Variants in LIPA observed in about 807,000 individuals in gnomAD.
LIPA encodes the protein lysosomal acid lipase/cholesteryl ester hydrolase.
A neutral mutation model predicts 40.6 loss-of-function variants in LIPA; 26 were observed. The observed-to-expected ratio is 0.64, with a 90% CI of 0.47 to 0.89. The LOEUF (loss-of-function observed/expected upper bound fraction) is 0.89. Among genes scored for constraint, LIPA ranks in the 40% least tolerant of loss-of-function variants. The pLI is 0.00. For synonymous variants in LIPA, 188 were observed against 168.4 expected (o/e 1.12, Z -0.90); for missense variants, 455 against 479.6 (o/e 0.95, Z 0.48).
chr10:89,407,677 A>G (rs1303580901), intron 2 of LIPA, among the ~76,000 whole-genome samples: 1 of 152,160 alleles, frequency 6.6e-6, no homozygotes, highest in Non-Finnish European at 1.5e-5. Context: ...TTGGGGCATA[A>G]CATCTTTATA....
At chr10:89,327,920 A>G in intron 1 of LIPA, 1 of 650,072 alleles carries the variant, frequency 1.5e-6, no homozygotes, top group South Asian at 2.0e-5. Flanking sequence ...GCAATTACTC[A>G]AAAACGGAGA....
intron 2 of LIPA, among the ~76,000 whole-genome samples, chr10:89,394,418 T>C (rs1038330227): frequency 6.6e-6 from 1 of 152,062 alleles, no homozygotes; most frequent in Non-Finnish European, 1.5e-5. Context: ...CTTTGAGATA[T>C]GGATCAGGAT....
intron 3 of LIPA, among the ~76,000 whole-genome samples, chr10:89,240,053 C>G (rs1226426104): frequency 6.6e-6 from 1 of 152,192 alleles, no homozygotes; most frequent in Non-Finnish European, 1.5e-5. Flanking sequence ...TCTCCCTCAA[C>G]AGAAGGAGCA....
At chr10:89,256,813 G>A (rs770106858) in intron 1 of LIPA, among the ~76,000 whole-genome samples, 4 of 152,160 alleles carry the variant, frequency 2.6e-5, no homozygotes, top group Admixed American at 6.5e-5. Flanking sequence ...ATATAACCAC[G>A]AGGTTCCTTC....
chr10:89,295,495 T>G (rs928416203), intron 1 of LIPA, among the ~76,000 whole-genome samples: 11 of 152,240 alleles, frequency 7.2e-5, no homozygotes, highest in African/African-American at 2.7e-4. Context: ...GGAAGGCTTA[T>G]CAACACCTAG....
chr10:89,312,523 C>A (rs538466366), intron 1 of LIPA, among the ~76,000 whole-genome samples: 2 of 152,202 alleles, frequency 1.3e-5, no homozygotes, highest in African/African-American at 4.8e-5. Flanking sequence ...AAAGAAATAT[C>A]TGTTTGTCTC....
At chr10:89,383,269 T>G (rs761019769) in intron 2 of LIPA, 3 of 1,492,560 alleles carry the variant, frequency 2.0e-6, no homozygotes, top group Middle Eastern at 1.8e-4. Context: ...TCATTTTCAG[T>G]GGACTGAATA....
chr10:89,322,653 T>C, intron 1 of LIPA, among the ~76,000 whole-genome samples: 1 of 149,466 alleles, frequency 6.7e-6, no homozygotes, highest in East Asian at 2.0e-4. Flanking sequence ...AGGAGACTTC[T>C]GCAAGCCTTG....
At chr10:89,237,550 T>C (rs896690652) in intron 3 of LIPA, among the ~76,000 whole-genome samples, 4 of 152,194 alleles carry the variant, frequency 2.6e-5, no homozygotes, top group Admixed American at 2.0e-4. Context: ...AGGCTAACTC[T>C]ACTGTTCTGT....
chr10:89,389,759 A>C (rs1303318789), intron 2 of LIPA, among the ~76,000 whole-genome samples: 1 of 152,152 alleles, frequency 6.6e-6, no homozygotes, highest in Admixed American at 6.5e-5. Flanking sequence ...AGAAGAGACT[A>C]AGGAATTCAT....
intron 3 of LIPA, among the ~76,000 whole-genome samples, chr10:89,232,651 A>G (rs1842856617): frequency 6.6e-6 from 1 of 152,212 alleles, no homozygotes. Flanking sequence ...GATATGTGGC[A>G]GCCAGGCCAG....
upstream of LIPA, among the ~76,000 whole-genome samples, chr10:89,346,854 A>C (rs1257860053): frequency 6.6e-6 from 1 of 152,250 alleles, no homozygotes; most frequent in East Asian, 1.9e-4. Context: ...TTGTGTGGAA[A>C]GAAAATCTTA....
At chr10:89,362,739 G>A in intron 2 of LIPA, 1 of 747,412 alleles carries the variant, frequency 1.3e-6, no homozygotes, top group Non-Finnish European at 2.1e-6. Context: ...GAACTGTGAG[G>A]AAGGATGGGC....
At position 89,293,678 on chromosome 10, in the gene LIPA, A is replaced by ACGAGAGAGAGAGAGAGAGAGAG. The variant is rs563646884; in HGVS notation, c.-1-46030_-1-46029insCTCTCTCTCTCTCTCTCTCTCG. 59 of 126,364 alleles carry ACGAGAGAGAGAGAGAGAGAGAG rather than the reference A, an allele frequency of 4.7e-4. 1 individual carries two copies. Among genetic ancestry groups the ACGAGAGAGAGAGAGAGAGAGAG allele is most frequent in the Non-Finnish European group, 7.7e-4 (48 of 62,504 alleles). 7.8% of individuals were successfully genotyped at this position (126,364 alleles called of 1,614,324 possible). ...TCACATGGCCTTTCCTCTGTGTGAG[A>ACGAGAGAGAGAGAGAGAGAGAG]TGAGAGAGAGAGAGAGAGAGAGAGA... On this transcript the variant is annotated intron_variant, in intron 1 of 5. Coordinates refer to the LIPA transcript ENST00000282673.
At chr10:89,347,355 C>T (rs547017661), upstream of LIPA, among the ~76,000 whole-genome samples, 3 of 152,230 alleles carry the variant, frequency 2.0e-5, no homozygotes, top group South Asian at 4.2e-4. Context: ...TTCCAGACTT[C>T]GAGAAGGAAA....
At chr10:89,385,822 T>C (rs1292925978) in intron 2 of LIPA, among the ~76,000 whole-genome samples, 1 of 152,158 alleles carries the variant, frequency 6.6e-6, no homozygotes, top group Non-Finnish European at 1.5e-5. Context: ...ACACCTGAGA[T>C]CACACCTAAA....
At chr10:89,370,458 C>T (rs1479234517) in intron 2 of LIPA, among the ~76,000 whole-genome samples, 2 of 151,984 alleles carry the variant, frequency 1.3e-5, no homozygotes, top group Non-Finnish European at 2.9e-5. Context: ...TGGTCTCAAA[C>T]TCCCAGACTC....
rs974656990 is a variant in LIPA, at chr10:89,377,409, A to G, written c.61+35382T>C. 1.3e-4 allele frequency among the ~76,000 whole-genome samples: 19 copies of G among 149,674 alleles called. 1 individual carries two copies. The East Asian group carries it at 3.5e-3, about 28-fold the overall frequency. ...TTGTTGTTTGAACCACTAATGGTGA[A>G]CAGTAAAGATCATCAAAACAGTCAA... is the stretch of plus-strand genomic sequence containing the variant. On this transcript the variant is annotated intron_variant, in intron 2 of 8. Transcript: ENST00000371837.
chr10:89,411,183 A>AAT (rs1426483740), intron 2 of LIPA, among the ~76,000 whole-genome samples: 2 of 152,110 alleles, frequency 1.3e-5, no homozygotes, highest in Admixed American at 1.3e-4. Context: ...AGGTTTCCTA[A>AAT]CAGGGGATCT....
Sources: gnomAD v4.1 joint callset for allele counts (sites outside exome capture counted in the v4.1 genomes callset) on GRCh38, gnomAD v4.1.1 for gene constraint, MANE v1.5 for transcripts, NCBI Gene and HGNC (gene_info 2026-07-23, HGNC 2026-07-21) for gene names.